LGALS8: variants seen among roughly 807,000 people sequenced by gnomAD.
LGALS8 encodes the protein galectin 8.
A neutral mutation model predicts 35.9 loss-of-function variants in LGALS8; 30 were observed. That is an observed-to-expected ratio of 0.83 (90% CI 0.62 to 1.13). LGALS8 has a LOEUF of 1.13. Ranked by LOEUF, LGALS8 falls within the 50% of genes most tolerant of loss-of-function variation. The pLI, the probability that LGALS8 is intolerant of heterozygous loss-of-function variation, is 0.00. For missense variants in LGALS8, 366 were observed against 388.7 expected (o/e 0.94, Z 0.49); for synonymous variants, 138 against 136.1 (o/e 1.01, Z -0.10).
In LGALS8 at chr1:236,549,078, T is replaced by G. The variant is rs1181061131; in HGVS notation, c.*917T>G. ...CTTCAGGCATTCATAAGGCAGGCACTATCAGAAAGTGTACGCCAACTAAGG... is the reference window on the plus strand; with the variant it reads ...CTTCAGGCATTCATAAGGCAGGCACGATCAGAAAGTGTACGCCAACTAAGG... On this transcript the variant is annotated 3_prime_UTR_variant, in exon 10 of 10. Coordinates refer to ENST00000366584, the MANE Select transcript of LGALS8 (RefSeq NM_201544.4). The G allele has an allele frequency of 2.5e-6, 1 of 398,258 alleles. No homozygotes were observed. Among genetic ancestry groups the G allele is most frequent in the Non-Finnish European group, 4.4e-6 (1 of 225,940 alleles). The allele number at this position is 398,258 out of a possible 1,614,324, so 24.7% of individuals were successfully genotyped here. A position where few individuals can be genotyped will look rare whatever the true frequency, so the allele number is the denominator to read the frequency against.
chr1:236,519,606 C>T (rs1199539815), upstream of LGALS8, among the ~76,000 whole-genome samples: 1 of 152,174 alleles, frequency 6.6e-6, no homozygotes, highest in Non-Finnish European at 1.5e-5. Flanking sequence ...GGAACACCAT[C>T]CCCTCTCCTG....
In LGALS8 at chr1:236,548,043, A is replaced by AGGTT. The variant is rs1490000487; in HGVS notation, c.838_841dup (p.Ala281GlyfsTer16). The AGGTT allele has an allele frequency of 6.2e-7, 1 of 1,612,016 alleles. No homozygotes were observed. The highest frequency in any genetic ancestry group is 1.3e-5 in the African/African-American group (1 of 74,914). ...ATTTATTGTGATGTTAGAGAATTCA[A>AGGTT]GGTTGCAGTAAATGGCGTACACAGC... On this transcript the variant is annotated frameshift_variant, in exon 10 of 10. Coordinates refer to ENST00000366584, the MANE Select transcript of LGALS8 (RefSeq NM_201544.4). LOFTEE classifies it high-confidence loss of function.
At chr1:236,537,169 A>G (rs945534878) in intron 2 of LGALS8, among the ~76,000 whole-genome samples, 2 of 151,604 alleles carry the variant, frequency 1.3e-5, no homozygotes, top group African/African-American at 4.9e-5. Flanking sequence ...GGCGCCCACC[A>G]CCACACCCGG....
chr1:236,531,766 CT>C (rs1308185730), intron 2 of LGALS8, among the ~76,000 whole-genome samples: 1 of 152,194 alleles, frequency 6.6e-6, no homozygotes, highest in East Asian at 1.9e-4. Flanking sequence ...CTTCTCTCTC[CT>C]TTCTCTTCTC....
chr1:236,525,832 C>T (rs1178552486), intron 1 of LGALS8, 136 bp from the exon 2 acceptor site: 1 of 350,618 alleles, frequency 2.9e-6, no homozygotes, highest in African/African-American at 2.1e-5. Flanking sequence ...GAATGGGAGG[C>T]AGATCGTTGA....
Position 236,542,757 on chromosome 1 carries a change from A to G in LGALS8, c.523-4A>G, listed in dbSNP as rs201635473. The G allele has an allele frequency of 8.6e-5, 139 of 1,614,016 alleles. No homozygotes were observed. The African/African-American group carries it at 1.6e-3, about 19-fold the overall frequency. ...ATTGTTGTGTTTTGTTTCTTTTCCA[A>G]TAGGTTCCAAAGTCTGGCACGCCCC... is the stretch of plus-strand genomic sequence containing the variant. On this transcript the variant is annotated splice_region_variant and splice_polypyrimidine_tract_variant and intron_variant, in intron 6 of 9. Coordinates refer to ENST00000366584, the MANE Select transcript of LGALS8 (RefSeq NM_201544.4).
At chr1:236,547,678 G>C (rs984155704) in intron 9 of LGALS8, among the ~76,000 whole-genome samples, 1 of 91,854 alleles carries the variant, frequency 1.1e-5, no homozygotes, top group African/African-American at 3.3e-5. Context: ...GCATCGGCGA[G>C]GAGGGGCAGC....
rs1014397470 is a variant in LGALS8 at position 236,549,995 on chromosome 1, C to G, written c.*1834C>G. ...GCTTCAAAGGCTTTTAAACTCAATG[C>G]GAACATTCTACGGGATGTTCTTAGA... is the stretch of plus-strand genomic sequence containing the variant. On this transcript the variant is annotated 3_prime_UTR_variant, in exon 10 of 10. Coordinates refer to ENST00000366584, the MANE Select transcript of LGALS8 (RefSeq NM_201544.4). The G allele has an allele frequency of 6.6e-6, 1 of 152,098 alleles. No individual in the cohort carries two copies. Among genetic ancestry groups the G allele is most frequent in the African/African-American group, 2.4e-5 (1 of 41,400 alleles). 9.4% of individuals were successfully genotyped at this position (152,098 alleles called of 1,614,324 possible). A position where few individuals can be genotyped will look rare whatever the true frequency, so the allele number is the denominator to read the frequency against.
Position 236,526,471 on chromosome 1 carries a change from T to C in LGALS8, c.45+356T>C, listed in dbSNP as rs996133662. 4 of 180,560 alleles carry C rather than the reference T, an allele frequency of 2.2e-5. No individual in the cohort carries two copies. Among genetic ancestry groups the C allele is most frequent in the Non-Finnish European group, 4.7e-5 (4 of 84,962 alleles). 11.2% of individuals were successfully genotyped at this position (180,560 alleles called of 1,614,324 possible). A position where few individuals can be genotyped will look rare whatever the true frequency, so the allele number is the denominator to read the frequency against. ...ACAAGTTTTTCATTTTCTTTTTTAA[T>C]TAGAGCTGTCCATGAGAAGTTAATG... On this transcript the variant is annotated intron_variant, in intron 2 of 9. Transcript: ENST00000366584. The surrounding 1 kb of genome is among the most constrained non-coding windows in gnomAD (Gnocchi z 4.6).
chr1:236,519,762 G>A (rs893329624), upstream of LGALS8, among the ~76,000 whole-genome samples: 2 of 152,066 alleles, frequency 1.3e-5, no homozygotes, highest in African/African-American at 4.8e-5. Flanking sequence ...CAACATGGAA[G>A]TTATGTACAA....
intron 5 of LGALS8, 36 bp from the exon 6 acceptor site, chr1:236,541,617 TG>T: frequency 9.3e-7 from 1 of 1,074,738 alleles, no homozygotes; most frequent in Non-Finnish European, 1.4e-6. Context: ...TATTTTCTAC[TG>T]GATGTTACAA....
Position 236,542,627 on chromosome 1 carries a change from T to A in LGALS8, c.523-134T>A, listed in dbSNP as rs544013145. 3 of 864,664 alleles carry A rather than the reference T, an allele frequency of 3.5e-6. No homozygotes were observed. The African/African-American group carries it at 5.0e-5, about 14-fold the overall frequency. The allele number at this position is 864,664 out of a possible 1,614,324, so 53.6% of individuals were successfully genotyped here. A position where few individuals can be genotyped will look rare whatever the true frequency, so the allele number is the denominator to read the frequency against. ...ATTCCGTCATAAAGCACCAGCTGCC[T>A]GGAGGTCACACCAGAGTGGAGCAGG... On this transcript the variant is annotated intron_variant, in intron 6 of 9. Coordinates refer to ENST00000366584, the MANE Select transcript of LGALS8 (RefSeq NM_201544.4).
Position 236,548,447 on chromosome 1 carries a change from G to A in LGALS8, c.*286G>A. ...ATGCCATTCAACAAGTATTTATGGA[G>A]TACCTACTATAATACAGTAGCTAAC... On this transcript the variant is annotated 3_prime_UTR_variant, in exon 10 of 10. Transcript: ENST00000366584. 2.4e-6 allele frequency: 1 copy of A among 424,930 alleles called. No individual in the cohort carries two copies. Among genetic ancestry groups the A allele is most frequent in the South Asian group, 2.9e-5 (1 of 33,924 alleles). 26.3% of individuals were successfully genotyped at this position (424,930 alleles called of 1,614,324 possible).
At chr1:236,542,816 G>A (rs778395257) in intron 7 of LGALS8, 29 bp downstream of exon 7, 1 of 1,614,190 alleles carries the variant, frequency 6.2e-7, no homozygotes, top group South Asian at 1.1e-5. Context: ...GTTATTTCAT[G>A]TGGAATATTT....
At chr1:236,543,691 G>A (rs1662173227) in intron 8 of LGALS8, 43 bp downstream of exon 8, 3 of 1,359,514 alleles carry the variant, frequency 2.2e-6, no homozygotes, top group African/African-American at 1.4e-5. Context: ...ATACTTCCGT[G>A]CCTGTTACCG....
chr1:236,535,168 T>C (rs1306114975), intron 2 of LGALS8, among the ~76,000 whole-genome samples: 2 of 151,554 alleles, frequency 1.3e-5, no homozygotes, highest in East Asian at 1.9e-4. Context: ...TTTCTGGCTA[T>C]AGAAATATCG....
chr1:236,534,870 G>A (rs763253023), intron 2 of LGALS8, among the ~76,000 whole-genome samples: 4 of 151,834 alleles, frequency 2.6e-5, no homozygotes, highest in African/African-American at 7.3e-5. Flanking sequence ...AGACCAGCCC[G>A]GCCAACATGG....
At position 236,540,627 on chromosome 1, in the gene LGALS8, ACT is replaced by A; in HGVS notation, c.412_413del (p.Leu138GlyfsTer14). The A allele has an allele frequency of 1.9e-6, 3 of 1,610,438 alleles. No individual in the cohort carries two copies. Among genetic ancestry groups the A allele is most frequent in the Non-Finnish European group, 2.5e-6 (3 of 1,178,376 alleles). On this transcript the variant is annotated frameshift_variant, in exon 5 of 10. Transcript: ENST00000366584. LOFTEE classifies it high-confidence loss of function. ...GHRIGPEKIDTLGIYGKVNIH... is the reference protein window; with the variant it reads ...GHRIGPEKIDXLGIYGKVNIH... Reference sequence around the variant, plus strand: ...CAGGATCGGCCCAGAGAAAATAGACACTCTGGGCATTTATGGCAAAGTGAATA... The same window carrying A: ...CAGGATCGGCCCAGAGAAAATAGACACTGGGCATTTATGGCAAAGTGAATA...
intron 2 of LGALS8, among the ~76,000 whole-genome samples, chr1:236,530,525 T>C (rs914338379): frequency 1.3e-5 from 2 of 152,204 alleles, no homozygotes; most frequent in African/African-American, 4.8e-5. Flanking sequence ...AGATTTTTTT[T>C]TCCATATGTA....
Sources: gnomAD v4.1 joint callset for allele counts (sites outside exome capture counted in the v4.1 genomes callset) on GRCh38, gnomAD v4.1.1 for gene constraint, Gnocchi (gnomAD v3.1) non-coding constraint, MANE v1.5 for transcripts, NCBI Gene and HGNC (gene_info 2026-07-23, HGNC 2026-07-21) for gene names.